The following AKT3 variants were observed in gnomAD, a reference collection of about 807,000 sequenced individuals.
The protein encoded by AKT3 is AKT serine/threonine kinase 3, also known as RAC-gamma serine/threonine-protein kinase.
Under a neutral mutation model 65.3 loss-of-function variants are expected in AKT3, and 15 were observed. The observed-to-expected ratio is 0.23, with a 90% CI of 0.15 to 0.35. The LOEUF (loss-of-function observed/expected upper bound fraction) is 0.35. AKT3 is among the 10% of genes least tolerant of loss of function. The probability of loss-of-function intolerance (pLI) is 1.00; values close to 1 mark genes in which losing one functional copy is unlikely to be tolerated. For synonymous variants in AKT3, 206 were observed against 183.8 expected, an observed-to-expected ratio of 1.12 and a Z score of -0.98; for missense variants, 243 against 576.5, an observed-to-expected ratio of 0.42 and a Z score of 5.92.
At chr1:243,747,618 G>C (rs1192987801) in intron 2 of AKT3, among the ~76,000 whole-genome samples, 1 of 152,120 alleles carries the variant, frequency 6.6e-6, no homozygotes, top group Non-Finnish European at 1.5e-5. Flanking sequence ...GAGATTAAAG[G>C]GAGATATCTT....
At chr1:243,720,416 C>A in intron 2 of AKT3, among the ~76,000 whole-genome samples, 2 of 121,052 alleles carry the variant, frequency 1.7e-5, no homozygotes, top group Non-Finnish European at 1.7e-5. Context: ...TTTGATGAGA[C>A]CAAAAGACAT....
rs75507772 is a variant in AKT3, at chr1:243,551,664, A to G, written c.1163+1065T>C. 7.6e-3 allele frequency among the ~76,000 whole-genome samples: 1,162 copies of G among 152,158 alleles called. 17 individuals are homozygous for G. The highest frequency in any genetic ancestry group is 0.026 in the African/African-American group (1,084 of 41,536). On this transcript the variant is annotated intron_variant, in intron 11 of 13. Transcript: ENST00000673466. ...TATAAAATATTCAACAATATGTGAA[A>G]TCATCTATGCTTCAAATGAGTAGAC...
intron 6 of AKT3, among the ~76,000 whole-genome samples, chr1:243,633,506 G>GT (rs1679757283): frequency 6.6e-6 from 1 of 152,046 alleles, no homozygotes; most frequent in Non-Finnish European, 1.5e-5. Flanking sequence ...ATTGAAAGGA[G>GT]TAAGGACAGA....
chr1:243,774,253 T>C (rs999234368), intron 2 of AKT3, among the ~76,000 whole-genome samples: 1 of 152,246 alleles, frequency 6.6e-6, no homozygotes, highest in Non-Finnish European at 1.5e-5. Flanking sequence ...TTCTACATAC[T>C]ACAAACTTTT....
In AKT3 at chr1:243,502,133, T is replaced by C; in HGVS notation, c.*3116A>G. 4.3e-6 allele frequency: 1 copy of C among 231,954 alleles called. No homozygotes were observed. The highest frequency in any genetic ancestry group is 8.5e-6 in the Non-Finnish European group (1 of 117,320). 14.4% of individuals were successfully genotyped at this position (231,954 alleles called of 1,614,324 possible). A position where few individuals can be genotyped will look rare whatever the true frequency, so the allele number is the denominator to read the frequency against. ...TTTTATTTAAATAAATACTTTACAT[T>C]TCATGCTTGCCTGTAATGCACTACC... is the stretch of plus-strand genomic sequence containing the variant. On this transcript the variant is annotated 3_prime_UTR_variant, in exon 14 of 14. Transcript: ENST00000673466.
chr1:243,624,402 C>A (rs1037566794), intron 6 of AKT3, among the ~76,000 whole-genome samples: 2 of 152,050 alleles, frequency 1.3e-5, no homozygotes, highest in African/African-American at 4.8e-5. Context: ...ATTTTTATTC[C>A]AATTTGATTT....
chr1:243,696,872 C>CT (rs1304331812), intron 2 of AKT3, among the ~76,000 whole-genome samples: 1 of 152,028 alleles, frequency 6.6e-6, no homozygotes, highest in African/African-American at 2.4e-5. Flanking sequence ...GTGTGTACCA[C>CT]TTTATCACTT....
intron 8 of AKT3, among the ~76,000 whole-genome samples, chr1:243,577,354 C>A (rs1675015378): frequency 6.6e-6 from 1 of 152,114 alleles, no homozygotes. Flanking sequence ...ACCATGTTGG[C>A]CAGGCTGGTC....
chr1:243,521,241 T>C (rs1306102554), intron 12 of AKT3, among the ~76,000 whole-genome samples: 2 of 152,208 alleles, frequency 1.3e-5, no homozygotes, highest in African/African-American at 2.4e-5. Flanking sequence ...GGGTCCAAAA[T>C]CCAGTGAACA....
chr1:243,513,188 T>C (rs540629650), intron 12 of AKT3, among the ~76,000 whole-genome samples: 9 of 152,236 alleles, frequency 5.9e-5, no homozygotes, highest in African/African-American at 1.9e-4. Context: ...GCCGGAGCCC[T>C]GTGAACCTCC....
At chr1:243,829,879 C>T (rs867667598) in intron 2 of AKT3, among the ~76,000 whole-genome samples, 29 of 152,200 alleles carry the variant, frequency 1.9e-4, no homozygotes, top group African/African-American at 7.0e-4. Context: ...TTAATCGCAC[C>T]GAAGGCCCCT....
At chr1:243,705,698 T>C (rs1685753069) in intron 2 of AKT3, among the ~76,000 whole-genome samples, 1 of 152,170 alleles carries the variant, frequency 6.6e-6, no homozygotes, top group East Asian at 1.9e-4. Context: ...CCTGGCAATT[T>C]AATGAAGAAT....
At chr1:243,733,554 A>G (rs928728035) in intron 2 of AKT3, among the ~76,000 whole-genome samples, 1 of 152,232 alleles carries the variant, frequency 6.6e-6, no homozygotes, top group Non-Finnish European at 1.5e-5. Context: ...GCCAATAAGT[A>G]TAAGCTAACA....
rs530666483 is a variant in AKT3, at chr1:243,850,045, ACGGCGGCGG to A, written c.-127_-119del. 7.1e-6 allele frequency: 7 copies of A among 980,956 alleles called. No homozygotes were observed. The highest frequency in any genetic ancestry group is 7.2e-6 in the Non-Finnish European group (6 of 828,884). 60.8% of individuals were successfully genotyped at this position (980,956 alleles called of 1,614,324 possible). On this transcript the variant is annotated 5_prime_UTR_variant, in exon 1 of 14. Transcript: ENST00000673466. Reference sequence around the variant, plus strand: ...TTGGGGGCGGTGGCTGTTACCTGCAACGGCGGCGGCGGCGGTGGCGGCCCCGCAGCTGCT... The same window carrying A: ...TTGGGGGCGGTGGCTGTTACCTGCAACGGCGGTGGCGGCCCCGCAGCTGCT...
rs764805387 is a variant in AKT3 at position 243,499,919 on chromosome 1, C to T, written c.*5330G>A. On this transcript the variant is annotated 3_prime_UTR_variant, in exon 14 of 14. Transcript: ENST00000673466. ...CTCAGCCTGCAGTGGGGCTGGTCCT[C>T]ATCAACGCGGGCGCTGTCCCCGCAC... 1.6e-5 allele frequency: 13 copies of T among 820,540 alleles called. No individual in the cohort carries two copies. The highest frequency in any genetic ancestry group is 2.6e-5 in the East Asian group (1 of 38,010). The allele number at this position is 820,540 out of a possible 1,614,324, so 50.8% of individuals were successfully genotyped here.
At chr1:243,771,937 G>C (rs1690212000) in intron 2 of AKT3, among the ~76,000 whole-genome samples, 1 of 152,162 alleles carries the variant, frequency 6.6e-6, no homozygotes, top group African/African-American at 2.4e-5. Flanking sequence ...AAGAAATGGG[G>C]AAAGGATTCC....
chr1:243,589,306 CAAAAAAAA>C (rs758254217), intron 8 of AKT3, among the ~76,000 whole-genome samples: 2 of 40,886 alleles, frequency 4.9e-5, no homozygotes, highest in African/African-American at 9.5e-5. Flanking sequence ...AACTCCATCT[CAAAAAAAA>C]AAAAAAAAAA....
In AKT3 at chr1:243,833,840, G is replaced by A. The variant is rs962114192; in HGVS notation, c.46+9285C>T. On this transcript the variant is annotated intron_variant, in intron 2 of 13. Transcript: ENST00000673466. ...TTTGGGAGGAAAAGGTGGGAGGATC[G>A]CTTGAGGCCAGGAGTTTGAGACCAG... is the stretch of plus-strand genomic sequence containing the variant. Among the ~76,000 whole-genome samples, 4 of 151,700 alleles carry A rather than the reference G, an allele frequency of 2.6e-5. No homozygotes were observed. The South Asian group carries it at 6.3e-4, about 24-fold the overall frequency.
At chr1:243,750,153 C>A (rs992201027) in intron 2 of AKT3, among the ~76,000 whole-genome samples, 1 of 152,130 alleles carries the variant, frequency 6.6e-6, no homozygotes, top group Non-Finnish European at 1.5e-5. Flanking sequence ...ATGAATTTAG[C>A]TCAAAATTAT....
Sources: allele counts gnomAD v4.1 joint callset (sites outside exome capture counted in the v4.1 genomes callset), GRCh38; gene constraint gnomAD v4.1.1; transcripts MANE v1.5; gene names NCBI Gene and HGNC (gene_info 2026-07-23, HGNC 2026-07-21).